The following STRAP variants were observed in gnomAD, a reference collection of about 807,000 sequenced individuals.
The protein encoded by STRAP is serine/threonine kinase receptor associated protein.
STRAP carries 16 observed loss-of-function variants against 47.0 expected under a neutral mutation model. That is an observed-to-expected ratio of 0.34 (90% CI 0.23 to 0.52). The LOEUF (loss-of-function observed/expected upper bound fraction) is 0.52, where lower values mean the gene tolerates loss of function less well. STRAP is among the 20% of genes least tolerant of loss of function. The probability of loss-of-function intolerance (pLI) is 0.96; values close to 1 mark genes in which losing one functional copy is unlikely to be tolerated. For synonymous variants in STRAP, 130 were observed against 142.7 expected (o/e 0.91, Z 0.63); for missense variants, 293 against 420.0 (o/e 0.70, Z 2.64).
At chr12:15,899,038 G>T (rs1948082927) in intron 7 of STRAP, among the ~76,000 whole-genome samples, 2 of 152,126 alleles carry the variant, frequency 1.3e-5, no homozygotes, top group African/African-American at 4.8e-5. Context: ...TTTATTTAAT[G>T]CTAGTTTTCA....
chr12:15,896,676 A>G lies in STRAP; in HGVS notation c.638+1180A>G, dbSNP rs1473322436. On this transcript the variant is annotated intron_variant, in intron 6 of 9. Coordinates refer to ENST00000419869, the MANE Select transcript of STRAP (RefSeq NM_007178.4). The surrounding 1 kb of genome is among the most constrained non-coding windows in gnomAD (Gnocchi z 4.1). Reference sequence around the variant, plus strand: ...TTTGCATCATAGGTTGTACTAAATTATGGGTTAGTTTCCCTGTTTTAGCAC... The same window carrying G: ...TTTGCATCATAGGTTGTACTAAATTGTGGGTTAGTTTCCCTGTTTTAGCAC... 1.3e-5 allele frequency among the ~76,000 whole-genome samples: 2 copies of G among 152,186 alleles called. No individual in the cohort carries two copies. The highest frequency in any genetic ancestry group is 4.8e-5 in the African/African-American group (2 of 41,440).
chr12:15,882,641 A>T lies in STRAP; in HGVS notation c.-67A>T. ...GGCCTGGAGCAGCCCGAGGCACTGC[A>T]GCAGAAGAGAGAAAAGACAACGACG... On this transcript the variant is annotated 5_prime_UTR_variant, in exon 1 of 10. Coordinates refer to ENST00000419869, the MANE Select transcript of STRAP (RefSeq NM_007178.4). The T allele has an allele frequency of 7.3e-7, 1 of 1,374,164 alleles. No homozygotes were observed. The highest frequency in any genetic ancestry group is 1.2e-5 in the South Asian group (1 of 82,306). The allele number at this position is 1,374,164 out of a possible 1,614,324, so 85.1% of individuals were successfully genotyped here.
At chr12:15,900,815 AAGG>A (rs1216699930) in intron 8 of STRAP, 129 bp from the exon 9 acceptor site, 1 of 582,424 alleles carries the variant, frequency 1.7e-6, no homozygotes, top group Non-Finnish European at 2.6e-6. Context: ...GTTATTTAAA[AAGG>A]AGTTGTTTTT....
At chr12:15,895,047 T>C (rs1948048572) in intron 5 of STRAP, among the ~76,000 whole-genome samples, 1 of 152,182 alleles carries the variant, frequency 6.6e-6, no homozygotes, top group Admixed American at 6.5e-5. Context: ...AAAAACAGAG[T>C]GTAAGAACCA....
At chr12:15,902,885 C>CTT (rs71042274) in intron 9 of STRAP, 32 bp from the exon 10 acceptor site, 30,225 of 1,088,200 alleles carry the variant, frequency 0.028, 231 homozygotes, top group African/African-American at 0.074. Context: ...ACTAATGTGA[C>CTT]TTTTTTTTTT....
chr12:15,887,248 G>C lies in STRAP; in HGVS notation c.249-2680G>C, dbSNP rs913439233. Among the ~76,000 whole-genome samples, 1 of 152,150 alleles carries C rather than the reference G, an allele frequency of 6.6e-6. No individual in the cohort carries two copies. Among genetic ancestry groups the C allele is most frequent in the African/African-American group, 2.4e-5 (1 of 41,436 alleles). On this transcript the variant is annotated intron_variant, in intron 2 of 9. Coordinates refer to ENST00000419869, the MANE Select transcript of STRAP (RefSeq NM_007178.4). This position sits in a 1 kb window ranked among gnomAD's most constrained non-coding sequence, Gnocchi z 5.5. The stretch of plus-strand genomic sequence containing the variant: ...GTAAGTTAAGCAGCTCCTATTATGA[G>C]ACTTACGGTAAGTTCATTCTGAGGA...
chr12:15,883,061 A>G lies in STRAP; in HGVS notation c.112+242A>G, dbSNP rs751194982. 6 of 1,535,496 alleles carry G rather than the reference A, an allele frequency of 3.9e-6. No individual in the cohort carries two copies. The South Asian group carries it at 7.1e-5, about 18-fold the overall frequency. On this transcript the variant is annotated intron_variant, in intron 1 of 9. Coordinates refer to ENST00000419869, the MANE Select transcript of STRAP (RefSeq NM_007178.4). ...CAACTAAGACCTCTCTCCTTATTTTATTTTTATTGCTATTTTTGAAGGAGC... is the reference window on the plus strand; with the variant it reads ...CAACTAAGACCTCTCTCCTTATTTTGTTTTTATTGCTATTTTTGAAGGAGC...
intron 1 of STRAP, 37 bp downstream of exon 1, chr12:15,882,856 G>T (rs748383019): frequency 9.5e-6 from 15 of 1,583,900 alleles, no homozygotes; most frequent in Non-Finnish European, 1.2e-5. Flanking sequence ...CGACGGCTGG[G>T]ACTGGGCTGA....
In STRAP at chr12:15,885,191, T is replaced by G. The variant is rs914012065; in HGVS notation, c.248+1515T>G. Among the ~76,000 whole-genome samples the G allele has an allele frequency of 8.7e-4, 130 of 148,704 alleles. 1 individual carries two copies. Among genetic ancestry groups the G allele is most frequent in the South Asian group, 6.3e-4 (3 of 4,752 alleles). On this transcript the variant is annotated intron_variant, in intron 2 of 9. Coordinates refer to ENST00000419869, the MANE Select transcript of STRAP (RefSeq NM_007178.4). Reference sequence around the variant, plus strand: ...AGAGTACAAGTGGTGTTTTTTTTTTTTTTTTTTTTTTTTTAAAGACAGAGT... The same window carrying G: ...AGAGTACAAGTGGTGTTTTTTTTTTGTTTTTTTTTTTTTTAAAGACAGAGT...
chr12:15,896,624 GA>G lies in STRAP; in HGVS notation c.638+1132del, dbSNP rs1260113080. ...ATTGTTAGCCATTTAAAACTTCTTT[GA>G]AAACATTTTTACTTGATACACTGTA... On this transcript the variant is annotated intron_variant, in intron 6 of 9. Coordinates refer to ENST00000419869, the MANE Select transcript of STRAP (RefSeq NM_007178.4). This position sits in a 1 kb window ranked among gnomAD's most constrained non-coding sequence, Gnocchi z 4.1. Among the ~76,000 whole-genome samples, 5 of 151,554 alleles carry G rather than the reference GA, an allele frequency of 3.3e-5. No homozygotes were observed. Among genetic ancestry groups the G allele is most frequent in the Admixed American group, 3.3e-4 (5 of 15,212 alleles).
chr12:15,888,595 A>T (rs367716911), intron 2 of STRAP, among the ~76,000 whole-genome samples: 1 of 152,142 alleles, frequency 6.6e-6, no homozygotes, highest in African/African-American at 2.4e-5. Flanking sequence ...CACATTGCAC[A>T]TGCTATTAAT....
intron 6 of STRAP, 50 bp from the exon 7 acceptor site, chr12:15,897,829 CGTT>C (rs1591988951): frequency 7.9e-7 from 1 of 1,271,328 alleles, no homozygotes; most frequent in East Asian, 2.9e-5. Flanking sequence ...AAATGTAACT[CGTT>C]ATTTATACCA....
intron 1 of STRAP, chr12:15,883,113 G>T (rs889468323): frequency 1.3e-6 from 2 of 1,535,652 alleles, no homozygotes; most frequent in Admixed American, 3.9e-5. Context: ...AGACTCTCGG[G>T]ACAACACGGT....
chr12:15,885,008 T>C (rs1947956826), intron 2 of STRAP, among the ~76,000 whole-genome samples: 1 of 152,136 alleles, frequency 6.6e-6, no homozygotes, highest in African/African-American at 2.4e-5. Context: ...TGGCCCTCGT[T>C]GCCTTTTTGG....
At chr12:15,886,318 T>G (rs1458917827) in intron 2 of STRAP, among the ~76,000 whole-genome samples, 1 of 152,020 alleles carries the variant, frequency 6.6e-6, no homozygotes. Context: ...GCCTCCTGAA[T>G]AGTGACCACA....
chr12:15,888,090 C>T (rs11056694), intron 2 of STRAP, among the ~76,000 whole-genome samples: 15 of 151,986 alleles, frequency 9.9e-5, no homozygotes, highest in East Asian at 3.9e-4. Context: ...ATTTAAGCAC[C>T]GTAATAAGTG....
Position 15,896,559 on chromosome 12 carries a change from C to T in STRAP, c.638+1063C>T, listed in dbSNP as rs1189190253. Among the ~76,000 whole-genome samples, 3 of 150,742 alleles carry T rather than the reference C, an allele frequency of 2.0e-5. No homozygotes were observed. The highest frequency in any genetic ancestry group is 4.4e-5 in the Non-Finnish European group (3 of 67,764). On this transcript the variant is annotated intron_variant, in intron 6 of 9. Coordinates refer to ENST00000419869, the MANE Select transcript of STRAP (RefSeq NM_007178.4). This position sits in a 1 kb window ranked among gnomAD's most constrained non-coding sequence, Gnocchi z 4.1. ...GTATTTGTGTTTTTTTTTTTAATTA[C>T]TAGGACCATAATGAATACCATTTTG...
At position 15,890,716 on chromosome 12, in the gene STRAP, T is replaced by A. The variant is rs201374219; in HGVS notation, c.403+47T>A. 14 of 1,459,292 alleles carry A rather than the reference T, an allele frequency of 9.6e-6. No homozygotes were observed. The highest frequency in any genetic ancestry group is 2.9e-5 in the African/African-American group (2 of 69,676). 90.4% of individuals were successfully genotyped at this position (1,459,292 alleles called of 1,614,324 possible). A position where few individuals can be genotyped will look rare whatever the true frequency, so the allele number is the denominator to read the frequency against. On this transcript the variant is annotated intron_variant, in intron 4 of 9. Coordinates refer to ENST00000419869, the MANE Select transcript of STRAP (RefSeq NM_007178.4). The surrounding 1 kb of genome is among the most constrained non-coding windows in gnomAD (Gnocchi z 4.5). ...GCTTCTAGTTTTATTTTCTTTTAAT[T>A]TAAATAACTGATTAAAGAATTTCAT...
intron 2 of STRAP, among the ~76,000 whole-genome samples, chr12:15,884,564 T>C (rs1308442926): frequency 1.3e-5 from 2 of 151,810 alleles, no homozygotes; most frequent in Admixed American, 1.3e-4. Context: ...TTTACTACAT[T>C]TAAAAATATT....
Sources: gnomAD v4.1 joint callset for allele counts (sites outside exome capture counted in the v4.1 genomes callset) on GRCh38, gnomAD v4.1.1 for gene constraint, Gnocchi (gnomAD v3.1) non-coding constraint, MANE v1.5 for transcripts, NCBI Gene and HGNC (gene_info 2026-07-23, HGNC 2026-07-21) for gene names.